INIP: variants seen among roughly 807,000 people sequenced by gnomAD.
The protein encoded by INIP is SOSS complex subunit C.
In INIP, 9 loss-of-function variants were observed where a neutral mutation model predicts 14.0. The ratio of observed to expected loss-of-function variants is 0.64; its 90% CI spans 0.39 to 1.12. The LOEUF (loss-of-function observed/expected upper bound fraction) is 1.12, where lower values mean the gene tolerates loss of function less well. Among genes scored for constraint, INIP ranks in the 50% most tolerant of loss-of-function variants. The pLI, the probability that INIP is intolerant of heterozygous loss-of-function variation, is 0.01. For synonymous variants in INIP, 37 were observed against 41.5 expected (o/e 0.89, Z 0.41); for missense variants, 78 against 122.7 (o/e 0.64, Z 1.72).
intron 2 of INIP, among the ~76,000 whole-genome samples, chr9:112,714,874 A>G (rs1838755820): frequency 6.6e-6 from 1 of 152,152 alleles, no homozygotes. Context: ...CACAGATGGT[A>G]TAGCCTACTA....
At chr9:112,699,238 A>T (rs1170432303) in intron 2 of INIP, among the ~76,000 whole-genome samples, 1 of 151,942 alleles carries the variant, frequency 6.6e-6, no homozygotes, top group Non-Finnish European at 1.5e-5. Flanking sequence ...CAGGAGGATC[A>T]CTTGGGCTCA....
intron 2 of INIP, among the ~76,000 whole-genome samples, chr9:112,695,297 G>C (rs1463214717): frequency 6.6e-6 from 1 of 151,210 alleles, no homozygotes; most frequent in African/African-American, 2.4e-5. Flanking sequence ...GATGGCTCAG[G>C]AGACTGGAAT....
chr9:112,687,891 C>T (rs1837735327), intron 4 of INIP, among the ~76,000 whole-genome samples: 1 of 152,052 alleles, frequency 6.6e-6, no homozygotes, highest in Non-Finnish European at 1.5e-5. Flanking sequence ...CGAGACCATC[C>T]TGGCTAACGT....
At chr9:112,704,325 C>T (rs983173201) in intron 2 of INIP, among the ~76,000 whole-genome samples, 4 of 152,062 alleles carry the variant, frequency 2.6e-5, no homozygotes, top group African/African-American at 7.2e-5. Flanking sequence ...CAGTACAGAC[C>T]GGAACCCTGA....
At chr9:112,708,174 A>G (rs2131309510) in intron 2 of INIP, among the ~76,000 whole-genome samples, 1 of 152,376 alleles carries the variant, frequency 6.6e-6, no homozygotes, top group East Asian at 1.9e-4. Context: ...AACAATCATT[A>G]TTGTAGGAAT....
intron 3 of INIP, among the ~76,000 whole-genome samples, chr9:112,690,883 G>T (rs1285814366): frequency 1.3e-5 from 2 of 152,164 alleles, no homozygotes; most frequent in Non-Finnish European, 2.9e-5. Flanking sequence ...TCATATTCTG[G>T]CCTGAGGGAG....
rs1364930386 is a variant in INIP at position 112,685,259 on chromosome 9, T to A, written c.*2279A>T. ...CACCTAGCCAATCTTTTTTTTTTTTTTTTAATTTTTTAGTAGAGACAGGGG... is the reference window on the plus strand; with the variant it reads ...CACCTAGCCAATCTTTTTTTTTTTTATTTAATTTTTTAGTAGAGACAGGGG... On this transcript the variant is annotated 3_prime_UTR_variant, in exon 5 of 5. Transcript: ENST00000374242. 1 of 151,912 alleles carries A rather than the reference T, an allele frequency of 6.6e-6. No homozygotes were observed. The highest frequency in any genetic ancestry group is 2.4e-5 in the African/African-American group (1 of 41,314). The allele number at this position is 151,912 out of a possible 1,614,324, so 9.4% of individuals were successfully genotyped here.
At chr9:112,692,747 A>G (rs930815425) in intron 3 of INIP, among the ~76,000 whole-genome samples, 12 of 151,590 alleles carry the variant, frequency 7.9e-5, no homozygotes, top group Non-Finnish European at 1.3e-4. Context: ...AAAAAAAAAA[A>G]GGCTATAAGG....
intron 2 of INIP, among the ~76,000 whole-genome samples, chr9:112,700,823 T>C (rs1221839547): frequency 6.6e-6 from 1 of 151,586 alleles, no homozygotes; most frequent in African/African-American, 2.4e-5. Flanking sequence ...AAATCAAAGG[T>C]GGAAATCTGT....
At chr9:112,709,558 C>A (rs758711814) in intron 2 of INIP, among the ~76,000 whole-genome samples, 1 of 152,142 alleles carries the variant, frequency 6.6e-6, no homozygotes, top group Non-Finnish European at 1.5e-5. Flanking sequence ...AGTAAAAGAC[C>A]TAGAACACTG....
chr9:112,700,257 G>C (rs1838243824), intron 2 of INIP, among the ~76,000 whole-genome samples: 1 of 152,070 alleles, frequency 6.6e-6, no homozygotes, highest in Non-Finnish European at 1.5e-5. Context: ...TCATTGAAAG[G>C]AATGGAGTGC....
intron 2 of INIP, among the ~76,000 whole-genome samples, chr9:112,715,863 T>A (rs1838795658): frequency 6.6e-6 from 1 of 152,104 alleles, no homozygotes; most frequent in African/African-American, 2.4e-5. Context: ...TTTAAACTTC[T>A]TGTTAAAAAT....
chr9:112,716,337 C>T (rs1020592760), intron 2 of INIP, 124 bp downstream of exon 2: 112 of 870,960 alleles, frequency 1.3e-4, no homozygotes, highest in Middle Eastern at 2.3e-4. Context: ...CCACCGCTCC[C>T]GGCCTGCTAT....
rs1311960724 is a variant in INIP, at chr9:112,686,924, T to A, written c.*614A>T. The A allele has an allele frequency of 6.6e-6, 1 of 152,234 alleles. No individual in the cohort carries two copies. Among genetic ancestry groups the A allele is most frequent in the African/African-American group, 2.4e-5 (1 of 41,466 alleles). The allele number at this position is 152,234 out of a possible 1,614,324, so 9.4% of individuals were successfully genotyped here. ...ACATTCCCTATTATTTTTAATTGCATCTAGTCACAACATTTATAAGAGCAT... is the reference window on the plus strand; with the variant it reads ...ACATTCCCTATTATTTTTAATTGCAACTAGTCACAACATTTATAAGAGCAT... On this transcript the variant is annotated 3_prime_UTR_variant, in exon 5 of 5. Coordinates refer to ENST00000374242, the MANE Select transcript of INIP (RefSeq NM_021218.3).
chr9:112,704,518 A>G (rs1241186684), intron 2 of INIP, among the ~76,000 whole-genome samples: 1 of 151,782 alleles, frequency 6.6e-6, no homozygotes, highest in African/African-American at 2.4e-5. Flanking sequence ...GCATGAACTT[A>G]AAAAAAAATC....
chr9:112,692,278 G>A (rs77224859), intron 3 of INIP, among the ~76,000 whole-genome samples: 3,562 of 152,152 alleles, frequency 0.023, 135 homozygotes, highest in African/African-American at 0.078. Flanking sequence ...GGCTGAAGGG[G>A]ATAATGGATC....
At chr9:112,694,638 A>G (rs1428086269) in intron 2 of INIP, among the ~76,000 whole-genome samples, 2 of 152,162 alleles carry the variant, frequency 1.3e-5, no homozygotes, top group Non-Finnish European at 2.9e-5. Context: ...GGGAGGGCAG[A>G]TGTTCTTAGT....
chr9:112,697,073 C>T (rs1410477214), intron 2 of INIP, among the ~76,000 whole-genome samples: 1 of 152,130 alleles, frequency 6.6e-6, no homozygotes, highest in African/African-American at 2.4e-5. Flanking sequence ...AAGTTCCAAC[C>T]CTCAAATTAT....
chr9:112,697,334 C>T (rs1167848946), intron 2 of INIP, among the ~76,000 whole-genome samples: 1 of 152,204 alleles, frequency 6.6e-6, no homozygotes, highest in Non-Finnish European at 1.5e-5. Context: ...CTTAAAACAA[C>T]TACAAGATGT....
Sources: allele counts gnomAD v4.1 joint callset (sites outside exome capture counted in the v4.1 genomes callset), GRCh38; gene constraint gnomAD v4.1.1; transcripts MANE v1.5; gene names NCBI Gene and HGNC (gene_info 2026-07-23, HGNC 2026-07-21).